MLIP: variants seen among roughly 807,000 people sequenced by gnomAD.
MLIP encodes muscular LMNA-interacting protein.
A neutral mutation model predicts 84.8 loss-of-function variants in MLIP; 79 were observed. That is an observed-to-expected ratio of 0.93 (90% CI 0.78 to 1.12). MLIP has a LOEUF of 1.12. Among genes scored for constraint, MLIP ranks in the 50% most tolerant of loss-of-function variants. The pLI is 0.00. For synonymous variants in MLIP, 504 were observed against 463.0 expected (o/e 1.09, Z -1.14); for missense variants, 1,257 against 1,160.6 (o/e 1.08, Z -1.21).
intron 1 of MLIP, chr6:54,047,099 A>T (rs1765105396): frequency 6.6e-6 from 1 of 152,148 alleles, no homozygotes; most frequent in African/African-American, 2.4e-5. Context: ...TGAAGCTGTA[A>T]TTCTTGGTCA....
chr6:54,094,740 G>T (rs925776887), intron 1 of MLIP, among the ~76,000 whole-genome samples: 1 of 151,890 alleles, frequency 6.6e-6, no homozygotes, highest in African/African-American at 2.4e-5. Flanking sequence ...GCCACCCACC[G>T]ACCCCAAATG....
intron 11 of MLIP, among the ~76,000 whole-genome samples, chr6:54,204,032 A>G (rs906824296): frequency 3.3e-5 from 5 of 152,234 alleles, no homozygotes; most frequent in African/African-American, 9.6e-5. Flanking sequence ...AAAGTTCATT[A>G]CAAATACTTT....
chr6:54,025,653 G>A (rs917835023), intron 1 of MLIP, among the ~76,000 whole-genome samples: 1 of 152,118 alleles, frequency 6.6e-6, no homozygotes, highest in African/African-American at 2.4e-5. Flanking sequence ...GGATTCAACT[G>A]ATAAAGTTGC....
intron 5 of MLIP, among the ~76,000 whole-genome samples, chr6:54,159,651 G>T (rs1774408527): frequency 6.6e-6 from 1 of 152,016 alleles, no homozygotes; most frequent in South Asian, 2.1e-4. Context: ...ATTAGATGAG[G>T]AAACAGAGAA....
rs1779776375 is a variant in MLIP at position 54,215,260 on chromosome 6, C to T, written c.2718+13027C>T. On this transcript the variant is annotated intron_variant, in intron 11 of 13. Coordinates refer to ENST00000502396, the MANE Select transcript of MLIP (RefSeq NM_001281747.2). ...CTGTAGCCTTTGACTTTCCTACTTC[C>T]TGAAAAAGAGAAAAAGACGATGATA... 4 of 1,492,240 alleles carry T rather than the reference C, an allele frequency of 2.7e-6. No homozygotes were observed. The Admixed American group carries it at 1.0e-4, about 38-fold the overall frequency. The allele number at this position is 1,492,240 out of a possible 1,614,324, so 92.4% of individuals were successfully genotyped here. A position where few individuals can be genotyped will look rare whatever the true frequency, so the allele number is the denominator to read the frequency against.
chr6:54,135,671 T>A (rs1200589100), intron 3 of MLIP, among the ~76,000 whole-genome samples: 1 of 152,140 alleles, frequency 6.6e-6, no homozygotes, highest in African/African-American at 2.4e-5. Context: ...TGATTGATAT[T>A]CCCTAAATTC....
chr6:54,099,373 C>G (rs1768466554), intron 1 of MLIP, among the ~76,000 whole-genome samples: 1 of 151,826 alleles, frequency 6.6e-6, no homozygotes, highest in East Asian at 1.9e-4. Flanking sequence ...TGCACTGAAA[C>G]AATGATTTTT....
Position 54,124,852 on chromosome 6 carries a change from A to T in MLIP, c.632A>T (p.Gln211Leu). Residue 211 changes from glutamine (Q) to leucine (L), a missense_variant, in exon 3 of 14, where the codon CAA (glutamine) becomes CTA (leucine). Gln to Leu is a moderately radical substitution (Grantham distance 113). Transcript: ENST00000502396. ...PEMLHGMAPQ[Q>L]KHGQLTSSPT... Reference sequence around the variant, plus strand: ...ATGCTTCATGGGATGGCCCCTCAGCAAAAGCATGGGCAGGTAGGTTTTGTG... The same window carrying T: ...ATGCTTCATGGGATGGCCCCTCAGCTAAAGCATGGGCAGGTAGGTTTTGTG... 6.3e-7 allele frequency: 1 copy of T among 1,591,718 alleles called. No homozygotes were observed. Among genetic ancestry groups the T allele is most frequent in the Non-Finnish European group, 8.6e-7 (1 of 1,168,758 alleles).
At chr6:54,027,386 C>T (rs1262044617) in intron 1 of MLIP, among the ~76,000 whole-genome samples, 1 of 17,000 alleles carries the variant, frequency 5.9e-5, no homozygotes, top group Non-Finnish European at 2.0e-4. Context: ...CACACACACA[C>T]ACACACACAC....
At position 54,149,402 on chromosome 6, in the gene MLIP, G is replaced by A. The variant is rs145122669; in HGVS notation, c.2289+275G>A. Among the ~76,000 whole-genome samples, 674 of 152,122 alleles carry A rather than the reference G, an allele frequency of 4.4e-3. 4 individuals are homozygous for A. Among genetic ancestry groups the A allele is most frequent in the Non-Finnish European group, 7.1e-3 (484 of 68,000 alleles). ...TTGATTCAGATTTGGATAGATCTCC[G>A]TTCTTTGGAATTTTAAATAATTATT... On this transcript the variant is annotated intron_variant, in intron 5 of 13. Coordinates refer to ENST00000502396, the MANE Select transcript of MLIP (RefSeq NM_001281747.2).
intron 3 of MLIP, among the ~76,000 whole-genome samples, chr6:54,126,298 T>G (rs1770914538): frequency 6.6e-6 from 1 of 152,070 alleles, no homozygotes; most frequent in African/African-American, 2.4e-5. Flanking sequence ...CAACTGATAG[T>G]TTTTTCCCCT....
intron 9 of MLIP, among the ~76,000 whole-genome samples, chr6:54,187,725 T>C (rs528504300): frequency 1.3e-5 from 2 of 152,130 alleles, no homozygotes; most frequent in Non-Finnish European, 2.9e-5. Context: ...ATGCTTTGCT[T>C]AACTATAGGG....
intron 12 of MLIP, among the ~76,000 whole-genome samples, chr6:54,245,611 A>G (rs1782025633): frequency 6.6e-6 from 1 of 152,152 alleles, no homozygotes; most frequent in Non-Finnish European, 1.5e-5. Context: ...TTTTTAAAAT[A>G]TATATTTTGT....
intron 9 of MLIP, among the ~76,000 whole-genome samples, chr6:54,172,518 T>C (rs1005655333): frequency 1.3e-5 from 2 of 151,600 alleles, no homozygotes; most frequent in African/African-American, 4.8e-5. Context: ...AGACACTTTA[T>C]TGTAGAAATA....
chr6:54,247,622 A>C (rs1449770356), intron 12 of MLIP, among the ~76,000 whole-genome samples: 1 of 152,174 alleles, frequency 6.6e-6, no homozygotes, highest in Admixed American at 6.6e-5. Context: ...TGTAGTTTGA[A>C]ATAATGCATA....
At chr6:54,249,247 A>G (rs1226020950) in intron 12 of MLIP, among the ~76,000 whole-genome samples, 3 of 152,110 alleles carry the variant, frequency 2.0e-5, no homozygotes, top group Non-Finnish European at 4.4e-5. Flanking sequence ...TTTAAAGATG[A>G]AAACCTAAAG....
At chr6:54,097,053 G>A (rs1768265556) in intron 1 of MLIP, among the ~76,000 whole-genome samples, 1 of 152,104 alleles carries the variant, frequency 6.6e-6, no homozygotes, top group African/African-American at 2.4e-5. Context: ...CTACCAAGAA[G>A]GCTACATGTT....
chr6:54,054,621 C>T (rs1260817552), intron 1 of MLIP, among the ~76,000 whole-genome samples: 1 of 152,128 alleles, frequency 6.6e-6, no homozygotes, highest in Non-Finnish European at 1.5e-5. Context: ...ATTTCACTTG[C>T]AAGATCTCAT....
At chr6:54,121,004 G>A (rs1397639836) in intron 1 of MLIP, among the ~76,000 whole-genome samples, 1 of 152,110 alleles carries the variant, frequency 6.6e-6, no homozygotes, top group South Asian at 2.1e-4. Flanking sequence ...TTGTATTTTG[G>A]CATTCTTGCT....
Sources: gnomAD v4.1 joint callset for allele counts (sites outside exome capture counted in the v4.1 genomes callset) on GRCh38, gnomAD v4.1.1 for gene constraint, MANE v1.5 for transcripts, NCBI Gene and HGNC (gene_info 2026-07-23, HGNC 2026-07-21) for gene names.